The following DLG2 variants were observed in gnomAD, a reference collection of about 807,000 sequenced individuals.
DLG2 encodes the protein discs large MAGUK scaffold protein 2.
A neutral mutation model predicts 132.5 loss-of-function variants in DLG2; 45 were observed. That is an observed-to-expected ratio of 0.34 (90% CI 0.27 to 0.44). The LOEUF (loss-of-function observed/expected upper bound fraction) is 0.44. DLG2 is among the 20% of genes least tolerant of loss of function. The pLI is 1.00. For synonymous variants in DLG2, 424 were observed against 419.6 expected, an observed-to-expected ratio of 1.01 and a Z score of -0.13; for missense variants, 1,045 against 1,196.9, an observed-to-expected ratio of 0.87 and a Z score of 1.87.
intron 8 of DLG2, among the ~76,000 whole-genome samples, chr11:84,166,522 A>AAAG (rs1555391585): frequency 7.1e-6 from 1 of 141,498 alleles, no homozygotes; most frequent in African/African-American, 2.6e-5. Flanking sequence ...AAAAAAAAAG[A>AAAG]AAAGAAAGAA....
chr11:84,263,959 C>G (rs545635706), intron 7 of DLG2, among the ~76,000 whole-genome samples: 1 of 152,192 alleles, frequency 6.6e-6, no homozygotes, highest in East Asian at 1.9e-4. Flanking sequence ...GAACAGGGTA[C>G]AGGATATTTT....
intron 3 of DLG2, among the ~76,000 whole-genome samples, chr11:85,523,611 A>G (rs779025700): frequency 4.6e-5 from 7 of 152,220 alleles, no homozygotes; most frequent in Non-Finnish European, 8.8e-5. Context: ...AGAAAAGGGA[A>G]CCATTACACA....
intron 6 of DLG2, among the ~76,000 whole-genome samples, chr11:85,018,524 T>C (rs1264646957): frequency 1.3e-5 from 2 of 152,192 alleles, no homozygotes; most frequent in African/African-American, 4.8e-5. Context: ...GTGTGATCTT[T>C]GCCTCTAAGT....
At chr11:84,752,442 A>G (rs963859429) in intron 6 of DLG2, among the ~76,000 whole-genome samples, 2 of 152,144 alleles carry the variant, frequency 1.3e-5, no homozygotes, top group African/African-American at 4.8e-5. Context: ...AAGAAGAGAG[A>G]GTAGAAGGAT....
intron 6 of DLG2, among the ~76,000 whole-genome samples, chr11:84,975,280 T>G (rs1797351682): frequency 6.6e-6 from 1 of 152,196 alleles, no homozygotes; most frequent in African/African-American, 2.4e-5. Flanking sequence ...TAATATACAC[T>G]TTCAAGATTC....
chr11:83,555,961 T>C (rs949557405), intron 19 of DLG2, among the ~76,000 whole-genome samples: 5 of 152,208 alleles, frequency 3.3e-5, no homozygotes, highest in Admixed American at 2.0e-4. Context: ...TTAGCAAATA[T>C]AACAAGTCTC....
In DLG2 at chr11:84,391,800, A is replaced by G. The variant is rs990195819; in HGVS notation, c.520-140509T>C. On this transcript the variant is annotated intron_variant, in intron 7 of 27. Transcript: ENST00000376104. Reference sequence around the variant, plus strand: ...TTGGGATTTTCTGTTAATGTTAAAAAAAAAAAAAAGCCAAAGCAGCTGTTT... The same window carrying G: ...TTGGGATTTTCTGTTAATGTTAAAAGAAAAAAAAAGCCAAAGCAGCTGTTT... Among the ~76,000 whole-genome samples the G allele has an allele frequency of 2.6e-5, 4 of 152,214 alleles. No homozygotes were observed. In the East Asian group the frequency reaches 7.7e-4, roughly 29 times the overall value.
rs985119759 is a variant in DLG2 at position 84,812,998 on chromosome 11, G to A, written c.358-278267C>T. Reference sequence around the variant, plus strand: ...CTTGTCTTGTTGGTCTTTTGAGAGCGGTTATCCACCCAGTTACATCAATCT... The same window carrying A: ...CTTGTCTTGTTGGTCTTTTGAGAGCAGTTATCCACCCAGTTACATCAATCT... On this transcript the variant is annotated intron_variant, in intron 6 of 27. Transcript: ENST00000376104. Among the ~76,000 whole-genome samples, 9 of 152,032 alleles carry A rather than the reference G, an allele frequency of 5.9e-5. No individual in the cohort carries two copies. In the South Asian group the frequency reaches 1.5e-3, roughly 25 times the overall value.
chr11:83,916,760 C>T (rs951141215), intron 15 of DLG2, among the ~76,000 whole-genome samples: 1 of 152,108 alleles, frequency 6.6e-6, no homozygotes, highest in Non-Finnish European at 1.5e-5. Flanking sequence ...GTTTTATTTC[C>T]TTCCTTCCGG....
intron 21 of DLG2, among the ~76,000 whole-genome samples, chr11:83,491,146 GT>G (rs5793064): frequency 0.2 from 27,918 of 138,834 alleles, 2,960 homozygotes; most frequent in African/African-American, 0.3. Context: ...TTTTTTTTCT[GT>G]TTTTTTTTTT....
intron 6 of DLG2, among the ~76,000 whole-genome samples, chr11:84,645,630 G>T (rs1052449230): frequency 6.6e-6 from 1 of 152,076 alleles, no homozygotes; most frequent in Non-Finnish European, 1.5e-5. Flanking sequence ...ACCATGCCCG[G>T]CTAATTTTTT....
chr11:83,850,857 T>C (rs1049345300), intron 16 of DLG2, among the ~76,000 whole-genome samples: 1 of 152,182 alleles, frequency 6.6e-6, no homozygotes, highest in Non-Finnish European at 1.5e-5. Flanking sequence ...CTGCATTATG[T>C]GTTGAATTTT....
chr11:84,746,158 T>A (rs1379049864), intron 6 of DLG2, among the ~76,000 whole-genome samples: 3 of 150,950 alleles, frequency 2.0e-5, no homozygotes, highest in African/African-American at 7.3e-5. Flanking sequence ...GGGCAAGGGG[T>A]CACTGGGAAC....
At chr11:85,010,112 T>C (rs1364893196) in intron 6 of DLG2, among the ~76,000 whole-genome samples, 1 of 152,076 alleles carries the variant, frequency 6.6e-6, no homozygotes, top group Non-Finnish European at 1.5e-5. Flanking sequence ...AGCCAAAACA[T>C]ATAGTACAAA....
chr11:83,937,257 C>T (rs1002603693), intron 14 of DLG2, among the ~76,000 whole-genome samples: 7 of 152,014 alleles, frequency 4.6e-5, no homozygotes, highest in Non-Finnish European at 1.0e-4. Context: ...CCTGTAATCC[C>T]AGCACTTTGG....
rs529318595 is a variant in DLG2 at position 84,396,003 on chromosome 11, C to T, written c.519+138567G>A. ...CCCTATTATGTTTATAGAAACATTACGAGGCATCAAACAATAAGAAGTCTA... is the reference window on the plus strand; with the variant it reads ...CCCTATTATGTTTATAGAAACATTATGAGGCATCAAACAATAAGAAGTCTA... On this transcript the variant is annotated intron_variant, in intron 7 of 27. Transcript: ENST00000376104. Among the ~76,000 whole-genome samples, 16 of 152,280 alleles carry T rather than the reference C, an allele frequency of 1.1e-4. No individual in the cohort carries two copies. The East Asian group carries it at 1.4e-3, about 13-fold the overall frequency.
chr11:83,707,573 A>G (rs2084335811), intron 18 of DLG2, among the ~76,000 whole-genome samples: 1 of 152,214 alleles, frequency 6.6e-6, no homozygotes, highest in Admixed American at 6.5e-5. Flanking sequence ...CATGAGGCTG[A>G]GGCAAGAGAA....
At chr11:83,530,860 T>A (rs1660167713) in intron 21 of DLG2, among the ~76,000 whole-genome samples, 2 of 152,028 alleles carry the variant, frequency 1.3e-5, no homozygotes, top group South Asian at 4.1e-4. Flanking sequence ...AAACTGTGGC[T>A]TTAGCAAGGT....
At chr11:83,541,984 A>G (rs905393700) in intron 19 of DLG2, 126 bp from the exon 20 acceptor site, 3 of 862,864 alleles carry the variant, frequency 3.5e-6, no homozygotes, top group Non-Finnish European at 5.0e-6. Context: ...TCCCGGAATG[A>G]TTCCCTGGAT....
Sources: allele counts gnomAD v4.1 joint callset (sites outside exome capture counted in the v4.1 genomes callset), GRCh38; gene constraint gnomAD v4.1.1; transcripts MANE v1.5; gene names NCBI Gene and HGNC (gene_info 2026-07-23, HGNC 2026-07-21).